The following SLC35D1 variants were observed in gnomAD, a reference collection of about 807,000 sequenced individuals.
The protein encoded by SLC35D1 is solute carrier family 35 member D1.
In SLC35D1, 31 loss-of-function variants were observed where a neutral mutation model predicts 46.7. That is an observed-to-expected ratio of 0.66 (90% confidence interval 0.50 to 0.90). The LOEUF is 0.90. Among genes scored for constraint, SLC35D1 ranks in the 40% least tolerant of loss-of-function variants. The probability of loss-of-function intolerance (pLI) is 0.00; values close to 1 mark genes in which losing one functional copy is unlikely to be tolerated. For synonymous variants in SLC35D1, 195 were observed against 164.6 expected (o/e 1.18, Z -1.41); for missense variants, 397 against 426.2 (o/e 0.93, Z 0.60).
At chr1:66,989,864 G>A in the SLC35D1 span, among the ~76,000 whole-genome samples, 1 of 152,190 alleles carries the variant, frequency 6.6e-6, no homozygotes, top group Non-Finnish European at 1.5e-5. Context: ...ATTGATCTGA[G>A]CCACTTTAAA....
At chr1:67,014,670 GTTTTTTTTTT>G (rs34459732) in intron 10 of SLC35D1, among the ~76,000 whole-genome samples, 4 of 99,976 alleles carry the variant, frequency 4.0e-5, no homozygotes, top group African/African-American at 7.6e-5. Context: ...TCAATTTTTA[GTTTTTTTTTT>G]TTTTTTTTTT....
chr1:67,043,148 C>A lies in SLC35D1; in HGVS notation c.637-820G>T, dbSNP rs894426590. ...AGGTGGAGATGCAGTGAGCCAAGAT[C>A]GCACCATTGCACTTTAGCCTGGATG... On this transcript the variant is annotated intron_variant, in intron 7 of 11. Transcript: ENST00000235345. Among the ~76,000 whole-genome samples the A allele has an allele frequency of 2.6e-5, 4 of 151,240 alleles. No individual in the cohort carries two copies. The East Asian group carries it at 5.8e-4, about 22-fold the overall frequency.
the SLC35D1 span, among the ~76,000 whole-genome samples, chr1:66,990,881 C>A: frequency 6.6e-6 from 1 of 152,190 alleles, no homozygotes; most frequent in South Asian, 2.1e-4. Context: ...AGGGGAGGGT[C>A]GAGTCTGTTT....
intron 3 of SLC35D1, among the ~76,000 whole-genome samples, 155 bp from the exon 4 acceptor site, chr1:67,052,234 A>C (rs1645317127): frequency 6.6e-6 from 1 of 152,206 alleles, no homozygotes; most frequent in Admixed American, 6.5e-5. Flanking sequence ...CCAAACACCC[A>C]AACAAAACTT....
At chr1:67,047,840 G>A (rs1042112452) in intron 6 of SLC35D1, among the ~76,000 whole-genome samples, 8 of 152,148 alleles carry the variant, frequency 5.3e-5, no homozygotes, top group African/African-American at 1.9e-4. Context: ...GTGGATCATG[G>A]TTAGTTCTGA....
chr1:67,006,177 T>C (rs1479996170), intron 11 of SLC35D1, among the ~76,000 whole-genome samples: 1 of 152,176 alleles, frequency 6.6e-6, no homozygotes, highest in African/African-American at 2.4e-5. Flanking sequence ...CCAATGTTCA[T>C]AGAGCTTCAT....
At chr1:67,004,878 C>A (rs941792196) in intron 11 of SLC35D1, among the ~76,000 whole-genome samples, 1 of 151,936 alleles carries the variant, frequency 6.6e-6, no homozygotes, top group African/African-American at 2.4e-5. Context: ...AGGAAACATC[C>A]CAAATTAGTT....
At chr1:66,987,978 G>A in the SLC35D1 span, 2 of 152,226 alleles carry the variant, frequency 1.3e-5, no homozygotes, top group East Asian at 3.8e-4. Flanking sequence ...GTATTTTGTA[G>A]TGGAGTTCAT....
chr1:67,015,302 TAATTAA>T (rs1667662144), intron 10 of SLC35D1, among the ~76,000 whole-genome samples: 1 of 151,880 alleles, frequency 6.6e-6, no homozygotes, highest in Admixed American at 6.6e-5. Flanking sequence ...GTGGTCAAAC[TAATTAA>T]AATTAAATAG....
intron 4 of SLC35D1, among the ~76,000 whole-genome samples, chr1:67,051,258 A>G (rs193056806): frequency 1.0e-3 from 152 of 152,316 alleles, no homozygotes; most frequent in African/African-American, 3.5e-3. Flanking sequence ...AATGAAAAAC[A>G]CCTTGTCCTT....
chr1:67,008,820 C>T lies in SLC35D1; in HGVS notation c.959+265G>A, dbSNP rs2755270. 0.58 allele frequency among the ~76,000 whole-genome samples: 88,108 copies of T among 151,832 alleles called. 27,736 individuals carry two copies. The highest frequency in any genetic ancestry group is 0.84 in the East Asian group (4,308 of 5,148). On this transcript the variant is annotated intron_variant, in intron 11 of 11. Transcript: ENST00000235345. ...ACGGGGTTTCACAACATTGCCCAGA[C>T]TAGTCTCAAACTCCTGGGCTCAAGC...
intron 8 of SLC35D1, among the ~76,000 whole-genome samples, chr1:67,032,801 G>A (rs1258687702): frequency 1.3e-5 from 2 of 152,070 alleles, no homozygotes; most frequent in African/African-American, 4.8e-5. Flanking sequence ...ATTTTGAAAT[G>A]AACAATTATC....
chr1:67,027,431 G>A (rs1667936683), intron 8 of SLC35D1, among the ~76,000 whole-genome samples: 1 of 151,614 alleles, frequency 6.6e-6, no homozygotes, highest in East Asian at 1.9e-4. Flanking sequence ...TAATTTTCTA[G>A]TTTCCTTTTT....
the SLC35D1 span, chr1:66,981,905 T>C: frequency 1.6e-5 from 26 of 1,613,826 alleles, no homozygotes; most frequent in South Asian, 2.7e-4. Flanking sequence ...CTGTAAGCAC[T>C]GCTAATCAAA....
chr1:66,979,255 C>G, the SLC35D1 span, among the ~76,000 whole-genome samples: 2 of 152,172 alleles, frequency 1.3e-5, no homozygotes, highest in Non-Finnish European at 2.9e-5. Context: ...ATTACCATCT[C>G]TTTCTGTTAA....
chr1:67,033,516 T>C (rs1668060391), intron 8 of SLC35D1, among the ~76,000 whole-genome samples: 1 of 152,234 alleles, frequency 6.6e-6, no homozygotes, highest in Non-Finnish European at 1.5e-5. Context: ...CTGTTTGCCA[T>C]CTGTATGTCT....
At chr1:67,005,312 C>T (rs1667423725) in intron 11 of SLC35D1, among the ~76,000 whole-genome samples, 1 of 152,198 alleles carries the variant, frequency 6.6e-6, no homozygotes, top group South Asian at 2.1e-4. Context: ...GACTCATGAA[C>T]TTGCTGCTTA....
chr1:66,982,879 A>T, the SLC35D1 span, among the ~76,000 whole-genome samples: 1 of 152,204 alleles, frequency 6.6e-6, no homozygotes, highest in Non-Finnish European at 1.5e-5. Context: ...TATTGACTTG[A>T]TGTCTAATGT....
chr1:66,987,726 G>T, the SLC35D1 span: 2 of 146,778 alleles, frequency 1.4e-5, no homozygotes, highest in East Asian at 3.8e-4. Flanking sequence ...GATTTTATTA[G>T]AGATTGTTTG....
Sources: allele counts gnomAD v4.1 joint callset (sites outside exome capture counted in the v4.1 genomes callset), GRCh38; gene constraint gnomAD v4.1.1; transcripts MANE v1.5; gene names NCBI Gene and HGNC (gene_info 2026-07-23, HGNC 2026-07-21).